Variants in CIC observed in about 807,000 individuals in gnomAD.
The protein encoded by CIC is protein capicua homolog.
CIC carries 18 observed loss-of-function variants against 115.7 expected under a neutral mutation model. The ratio of observed to expected loss-of-function variants is 0.16; its 90% CI spans 0.11 to 0.23. The LOEUF is 0.23. Ranked by LOEUF, CIC falls within the 10% of genes least tolerant of loss-of-function variation. The probability of loss-of-function intolerance (pLI) is 1.00; values close to 1 mark genes in which losing one functional copy is unlikely to be tolerated. For missense variants in CIC, 2,000 were observed against 2,159.3 expected (o/e 0.93, Z 1.46); for synonymous variants, 1,076 against 923.0 (o/e 1.17, Z -3.01).
intron 2 of CIC, among the ~76,000 whole-genome samples, chr19:42,277,147 C>G (rs1351379354): frequency 6.6e-6 from 1 of 152,174 alleles, no homozygotes; most frequent in East Asian, 1.9e-4. Context: ...AGGCTAGTAC[C>G]ATGATTATTA....
intron 2 of CIC, among the ~76,000 whole-genome samples, chr19:42,276,327 G>A (rs2036976734): frequency 6.6e-6 from 1 of 152,202 alleles, no homozygotes; most frequent in South Asian, 2.1e-4. Flanking sequence ...TGTATCCTGA[G>A]GGTACTAGGG....
rs2036840229 is a variant in CIC at position 42,272,892 on chromosome 19, G to C, written c.1109G>C (p.Cys370Ser). The C allele has an allele frequency of 2.5e-6, 1 of 399,246 alleles. No homozygotes were observed. Among genetic ancestry groups the C allele is most frequent in the Non-Finnish European group, 4.4e-6 (1 of 226,644 alleles). 24.7% of individuals were successfully genotyped at this position (399,246 alleles called of 1,614,324 possible). Residue 370 changes from cysteine to serine, a missense_variant, in exon 2 of 21, where the codon TGC becomes TCC. Physicochemically the swap from Cys to Ser is moderately radical, Grantham distance 112. This residue lies in a region of CIC where 222 missense variants were observed against 247.7 expected (regional missense o/e 0.90). Transcript: ENST00000681038. ...GAGCCTGGGGCCACCCTGCCACCCT[G>C]CCCTGCTGCCCTGGACCCCAAACAG... ...QAEPGATLPP[C>S]PAALDPKQPE...
chr19:42,293,773 G>A lies in CIC; in HGVS notation c.6704G>A (p.Gly2235Asp). The A allele has an allele frequency of 6.2e-7, 1 of 1,612,848 alleles. No homozygotes were observed. Among genetic ancestry groups the A allele is most frequent in the Non-Finnish European group, 8.5e-7 (1 of 1,179,806 alleles). ...GDTPERKEAAGTGKKVKVRPP... is the reference protein window; with the variant it reads ...GDTPERKEAADTGKKVKVRPP... ...ACCCCGGAGCGCAAGGAGGCGGCTG[G>A]TACTGGCAAGAAGGTGAAGGTGCGG... The change falls in exon 17 of 21, where the codon GGT (glycine) becomes GAT (aspartate). Residue 2235 changes from glycine to aspartate, a missense_variant. This residue lies in a region of CIC where 1,466 missense variants were observed against 1,390.4 expected (regional missense o/e 1.05). Coordinates refer to ENST00000681038, the MANE Select transcript of CIC (RefSeq NM_001386298.1).
In CIC at chr19:42,295,143, G is replaced by GGGCGCCC; in HGVS notation, c.7506_7507insGGCGCCC (p.Pro2503GlyfsTer22). The GGGCGCCC allele has an allele frequency of 3.6e-6, 5 of 1,382,728 alleles. No homozygotes were observed. Among genetic ancestry groups the GGGCGCCC allele is most frequent in the African/African-American group, 1.5e-5 (1 of 68,108 alleles). 85.7% of individuals were successfully genotyped at this position (1,382,728 alleles called of 1,614,324 possible). On this transcript the variant is annotated frameshift_variant, in exon 21 of 21. Transcript: ENST00000681038. LOFTEE classifies it high-confidence loss of function. Reference sequence around the variant, plus strand: ...AGCCTGGCTGGGAGGGGGCTCCCCAGCCCTCCCCCCCACCCCCAGGTCCCT... The same window carrying GGGCGCCC: ...AGCCTGGCTGGGAGGGGGCTCCCCAGGGCGCCCCCCTCCCCCCCACCCCCAGGTCCCT...
chr19:42,271,088 G>A (rs1454612326), intron 1 of CIC, among the ~76,000 whole-genome samples: 1 of 139,644 alleles, frequency 7.2e-6, no homozygotes, highest in African/African-American at 2.6e-5. Flanking sequence ...GGGTGGGGGG[G>A]TGGAGAAAGG....
In CIC at chr19:42,287,353, G is replaced by A. The variant is rs200317945; in HGVS notation, c.3213G>A (p.Leu1071=). The A allele has an allele frequency of 4.3e-6, 7 of 1,613,962 alleles. No homozygotes were observed. In the African/African-American group the frequency reaches 6.7e-5, roughly 15 times the overall value. Residue 1071 remains leucine, a synonymous_variant, in exon 5 of 21, where the codon TTG becomes TTA. Transcript: ENST00000681038. The surrounding 1 kb of genome is among the most constrained non-coding windows in gnomAD (Gnocchi z 8.7). The stretch of plus-strand genomic sequence containing the variant: ...CCATCATGTCTCCTGAGATCCAGTT[G>A]CCTCTACCGCCCGGAAAACGTCGGA... ...FLSIMSPEIQ[L]PLPPGKRRTQ... is the part of the protein sequence containing the mutation.
chr19:42,284,083 T>G (rs2037414515), intron 2 of CIC: 1 of 146,676 alleles, frequency 6.8e-6, no homozygotes, highest in Non-Finnish European at 1.5e-5. Flanking sequence ...CGGTGGTGGT[T>G]CGGCGCGGGG....
upstream of CIC, chr19:42,269,215 T>C (rs1002626640): frequency 6.6e-6 from 1 of 151,166 alleles, no homozygotes; most frequent in Non-Finnish European, 1.5e-5. Context: ...TTGTGATCGC[T>C]GATTGGCTGG....
chr19:42,282,994 A>G lies in CIC; in HGVS notation c.2795-3777A>G, dbSNP rs1296055552. ...GACAGAGGGTCCAGAGTGGCCAATG[A>G]GTGTCAGGGTGGGTGGCTGAATGAT... On this transcript the variant is annotated intron_variant, in intron 2 of 20. Transcript: ENST00000681038. Among the ~76,000 whole-genome samples the G allele has an allele frequency of 2.8e-4, 42 of 151,880 alleles. 2 individuals are homozygous for G. Among genetic ancestry groups the G allele is most frequent in the Admixed American group, 2.6e-3 (40 of 15,246 alleles).
rs1432697038 is a variant in CIC at position 42,292,728 on chromosome 19, A to T, written c.6065A>T (p.Gln2022Leu). ...TSSAPLAQPS[Q>L]APPSLVYTVA... Reference sequence around the variant, plus strand: ...TCAGCACCCCTGGCCCAGCCATCCCAGGCCCCCCCAAGCCTGGTCTACACT... The same window carrying T: ...TCAGCACCCCTGGCCCAGCCATCCCTGGCCCCCCCAAGCCTGGTCTACACT... Residue 2022 changes from glutamine to leucine, a missense_variant, in exon 15 of 21, where the codon CAG becomes CTG. Physicochemically the swap from Gln to Leu is moderately radical, Grantham distance 113. Around this residue, in one of 8 missense-constraint regions of CIC, gnomAD observed 1,466 missense variants for 1,390.4 expected, o/e 1.05. Coordinates refer to ENST00000681038, the MANE Select transcript of CIC (RefSeq NM_001386298.1). The T allele has an allele frequency of 1.2e-6, 2 of 1,613,380 alleles. No homozygotes were observed. Among genetic ancestry groups the T allele is most frequent in the African/African-American group, 1.3e-5 (1 of 74,786 alleles).
In CIC at chr19:42,293,277, C is replaced by T. The variant is rs1201674224; in HGVS notation, c.6518C>T (p.Thr2173Ile). Residue 2173 changes from threonine to isoleucine, a missense_variant, in exon 16 of 21, where the codon ACC becomes ATC. By Grantham distance (89) the Thr-to-Ile change is moderately conservative. Transcript: ENST00000681038. Reference protein sequence around the residue: ...EERTSAKGPETMASKFPSSSS... With the variant: ...EERTSAKGPEIMASKFPSSSS... ...CGGACCAGCGCCAAGGGCCCTGAGA[C>T]CATGGTGAGCGCCTGCAGGCCGTGG... 5.1e-6 allele frequency: 8 copies of T among 1,573,628 alleles called. No individual in the cohort carries two copies. The South Asian group carries it at 8.1e-5, about 16-fold the overall frequency.
intron 19 of CIC, 116 bp from the exon 20 acceptor site, chr19:42,294,488 C>G: frequency 6.4e-7 from 1 of 1,564,862 alleles, no homozygotes; most frequent in East Asian, 2.2e-5. Context: ...GGGCAGGACC[C>G]CTCTCTGACT....
In CIC at chr19:42,295,398, C is replaced by CT; in HGVS notation, c.*208dup. The stretch of plus-strand genomic sequence containing the variant: ...GCAGCTGAGGGGCTGCAGGGGCAGT[C>CT]TCCCTCCTCCAAGCCCCTGTACATA... On this transcript the variant is annotated 3_prime_UTR_variant, in exon 21 of 21. Coordinates refer to ENST00000681038, the MANE Select transcript of CIC (RefSeq NM_001386298.1). 1 of 581,584 alleles carries CT rather than the reference C, an allele frequency of 1.7e-6. No individual in the cohort carries two copies. The highest frequency in any genetic ancestry group is 3.1e-6 in the Non-Finnish European group (1 of 327,860). The allele number at this position is 581,584 out of a possible 1,614,324, so 36.0% of individuals were successfully genotyped here.
intron 7 of CIC, among the ~76,000 whole-genome samples, chr19:42,288,289 G>A (rs1273763706): frequency 6.6e-6 from 1 of 152,208 alleles, no homozygotes; most frequent in African/African-American, 2.4e-5. Flanking sequence ...AGAAGAAACT[G>A]AGGTTCAGAG....
Position 42,295,143 on chromosome 19 carries a change from G to GGGGGGGCCCCCCCCCCCC in CIC, c.7506_7507insGGGGGGCCCCCCCCCCCC (p.Gln2502_Pro2503insGlyGlyProProProPro). 5 of 1,382,728 alleles carry GGGGGGGCCCCCCCCCCCC rather than the reference G, an allele frequency of 3.6e-6. No homozygotes were observed. The highest frequency in any genetic ancestry group is 2.4e-4 in the Middle Eastern group (1 of 4,118). The allele number at this position is 1,382,728 out of a possible 1,614,324, so 85.7% of individuals were successfully genotyped here. On this transcript the variant is annotated inframe_insertion, in exon 21 of 21. Coordinates refer to ENST00000681038, the MANE Select transcript of CIC (RefSeq NM_001386298.1). ...AGCCTGGCTGGGAGGGGGCTCCCCA[G>GGGGGGGCCCCCCCCCCCC]CCCTCCCCCCCACCCCCAGGTCCCT...
At chr19:42,286,650 G>A (rs1240498459) in intron 2 of CIC, 121 bp from the exon 3 acceptor site, 7 of 1,267,902 alleles carry the variant, frequency 5.5e-6, no homozygotes, top group African/African-American at 1.5e-5. Context: ...AGAGGCTCTG[G>A]TGTTGGGGGT....
In CIC at chr19:42,287,438, A is replaced by T. The variant is rs760430429; in HGVS notation, c.3298A>T (p.Ser1100Cys). 1.2e-6 allele frequency: 2 copies of T among 1,613,414 alleles called. No individual in the cohort carries two copies. Among genetic ancestry groups the T allele is most frequent in the Non-Finnish European group, 1.7e-6 (2 of 1,180,044 alleles). Residue 1100 changes from serine (S) to cysteine (C), a missense_variant, in exon 5 of 21, where the codon AGC becomes TGC. Physicochemically the swap from Ser to Cys is moderately radical, Grantham distance 112. Around this residue, in one of 8 missense-constraint regions of CIC, gnomAD observed 222 missense variants for 247.7 expected, o/e 0.90. Coordinates refer to ENST00000681038, the MANE Select transcript of CIC (RefSeq NM_001386298.1). This position sits in a 1 kb window ranked among gnomAD's most constrained non-coding sequence, Gnocchi z 8.7. ...RDSSSEKDGR[S>C]PNKREKDHIR... ...CTCATCTTCTGAGAAGGATGGACGC[A>T]GCCCCAACAAGGTACTTTATCCCTG... is the stretch of plus-strand genomic sequence containing the variant.
rs747643379 is a variant in CIC at position 42,291,356 on chromosome 19, G to A, written c.5315G>A (p.Arg1772His). The change falls in exon 11 of 21, where the codon CGT (arginine) becomes CAT (histidine). Residue 1772 changes from arginine (R) to histidine (H), a missense_variant. Arg to His is a conservative substitution (Grantham distance 29, BLOSUM62 0). This residue lies in a region of CIC where 1,466 missense variants were observed against 1,390.4 expected (regional missense o/e 1.05). Coordinates refer to ENST00000681038, the MANE Select transcript of CIC (RefSeq NM_001386298.1). The part of the protein sequence containing the change: ...PSGPAPTTSI[R>H]FTLPPGTSTN... ...GGCCCTGCACCCACCACCAGCATCCGTTTCACCCTCCCACCGGGCACTTCC... is the reference window on the plus strand; with the variant it reads ...GGCCCTGCACCCACCACCAGCATCCATTTCACCCTCCCACCGGGCACTTCC... The A allele has an allele frequency of 6.2e-6, 10 of 1,612,672 alleles. No individual in the cohort carries two copies. The East Asian group carries it at 2.0e-4, about 32-fold the overall frequency.
At position 42,290,721 on chromosome 19, in the gene CIC, C is replaced by T. The variant is rs566041172; in HGVS notation, c.4680C>T (p.Pro1560=). Residue 1560 remains proline, a synonymous_variant, in exon 11 of 21, where the codon CCC becomes CCT. Coordinates refer to ENST00000681038, the MANE Select transcript of CIC (RefSeq NM_001386298.1). ...EGGGARVPSA[P]APSLAYGAPA... ...GCGGAGCCAGAGTGCCCTCCGCCCC[C>T]GCCCCATCACTGGCCTATGGGGCCC... is the stretch of plus-strand genomic sequence containing the variant. The T allele has an allele frequency of 6.8e-5, 109 of 1,612,590 alleles. No homozygotes were observed. The East Asian group carries it at 1.1e-3, about 16-fold the overall frequency.
Sources: allele counts gnomAD v4.1 joint callset (sites outside exome capture counted in the v4.1 genomes callset), GRCh38; gene constraint gnomAD v4.1.1; regional missense constraint gnomAD v4.1.1; non-coding constraint Gnocchi (gnomAD v3.1); transcripts MANE v1.5; gene names NCBI Gene and HGNC (gene_info 2026-07-23, HGNC 2026-07-21).